The following ADGB variants were observed in gnomAD, a reference collection of about 807,000 sequenced individuals.
The protein encoded by ADGB is calpain-7-like protein.
Under a neutral mutation model 210.5 loss-of-function variants are expected in ADGB, and 172 were observed. That is an observed-to-expected ratio of 0.82 (90% CI 0.72 to 0.93). The LOEUF (loss-of-function observed/expected upper bound fraction) is 0.93, where lower values mean the gene tolerates loss of function less well. Among genes scored for constraint, ADGB ranks in the 40% least tolerant of loss-of-function variants. The pLI, the probability that ADGB is intolerant of heterozygous loss-of-function variation, is 0.00. For synonymous variants in ADGB, 658 were observed against 662.7 expected, an observed-to-expected ratio of 0.99 and a Z score of 0.11; for missense variants, 2,025 against 1,964.8, an observed-to-expected ratio of 1.03 and a Z score of -0.58.
chr6:146,705,945 A>G (rs1478096130), intron 13 of ADGB, among the ~76,000 whole-genome samples: 1 of 152,092 alleles, frequency 6.6e-6, no homozygotes, highest in East Asian at 1.9e-4. Context: ...ATTTTAAGAT[A>G]TAGGGTCTTT....
chr6:146,740,458 G>T lies in ADGB; in HGVS notation c.2889-1G>T. On this transcript the variant is annotated splice_acceptor_variant, in intron 23 of 35. Coordinates refer to ENST00000397944, the MANE Select transcript of ADGB (RefSeq NM_024694.4). LOFTEE classifies it high-confidence loss of function. ...TACATAATTTATTTTTATATTTCTA[G>T]ACTAATGTTTAAAAGCAAGTGCAAG... The T allele has an allele frequency of 1.3e-6, 2 of 1,530,910 alleles. No homozygotes were observed. The highest frequency in any genetic ancestry group is 1.8e-6 in the Non-Finnish European group (2 of 1,135,890). The allele number at this position is 1,530,910 out of a possible 1,614,324, so 94.8% of individuals were successfully genotyped here. A position where few individuals can be genotyped will look rare whatever the true frequency, so the allele number is the denominator to read the frequency against.
intron 26 of ADGB, among the ~76,000 whole-genome samples, chr6:146,751,005 G>A (rs959572533): frequency 6.6e-6 from 1 of 152,102 alleles, no homozygotes; most frequent in African/African-American, 2.4e-5. Flanking sequence ...GTGTACCTGT[G>A]CAAGATGTGC....
intron 10 of ADGB, among the ~76,000 whole-genome samples, chr6:146,686,134 T>G (rs562337182): frequency 6.6e-6 from 1 of 152,056 alleles, no homozygotes; most frequent in Non-Finnish European, 1.5e-5. Flanking sequence ...ATTTATGTAT[T>G]TCAGTGAAAA....
In ADGB at chr6:146,750,723, G is replaced by A. The variant is rs146662059; in HGVS notation, c.3366-1807G>A. On this transcript the variant is annotated intron_variant, in intron 26 of 35. Coordinates refer to ENST00000397944, the MANE Select transcript of ADGB (RefSeq NM_024694.4). ...TCTTTAATTGCATTAAAAGGGGAGC[G>A]GGAAAGAATGGATTAGACTGCATGT... 4.7e-3 allele frequency among the ~76,000 whole-genome samples: 713 copies of A among 152,198 alleles called. 5 individuals carry two copies. Among genetic ancestry groups the A allele is most frequent in the South Asian group, 0.011 (55 of 4,828 alleles).
intron 3 of ADGB, among the ~76,000 whole-genome samples, chr6:146,647,492 G>A (rs1775636887): frequency 6.6e-6 from 1 of 151,800 alleles, no homozygotes; most frequent in Admixed American, 6.6e-5. Context: ...GTATAGTAGG[G>A]GAATACATAA....
At chr6:146,626,938 A>G (rs1780981196) in intron 1 of ADGB, among the ~76,000 whole-genome samples, 2 of 151,940 alleles carry the variant, frequency 1.3e-5, no homozygotes, top group Non-Finnish European at 2.9e-5. Context: ...TGCTCTGCTT[A>G]TTTCCAATTT....
Position 146,689,064 on chromosome 6 carries a change from A to T in ADGB, c.1312-2052A>T, listed in dbSNP as rs117734619. Among the ~76,000 whole-genome samples, 265 of 152,192 alleles carry T rather than the reference A, an allele frequency of 1.7e-3. 4 individuals are homozygous for T. The East Asian group carries it at 0.027, about 15-fold the overall frequency. Reference sequence around the variant, plus strand: ...GTTTTATGTAGATCTGAGAGTTTTAATAAAGCCTCTTTCACCTGCCCAAAT... The same window carrying T: ...GTTTTATGTAGATCTGAGAGTTTTATTAAAGCCTCTTTCACCTGCCCAAAT... On this transcript the variant is annotated intron_variant, in intron 10 of 35. Transcript: ENST00000397944.
intron 33 of ADGB, among the ~76,000 whole-genome samples, chr6:146,789,586 C>A (rs1338228404): frequency 6.6e-6 from 1 of 152,130 alleles, no homozygotes; most frequent in Non-Finnish European, 1.5e-5. Context: ...TAAAAGGAAT[C>A]TTTTACTATA....
chr6:146,671,781 T>C (rs1776011440), intron 7 of ADGB, among the ~76,000 whole-genome samples: 3 of 152,102 alleles, frequency 2.0e-5, no homozygotes, highest in Admixed American at 2.0e-4. Context: ...GAAAGAGGGA[T>C]GTTATGGAAG....
chr6:146,719,593 C>T (rs1298757152), intron 16 of ADGB, among the ~76,000 whole-genome samples: 1 of 152,140 alleles, frequency 6.6e-6, no homozygotes, highest in African/African-American at 2.4e-5. Context: ...GACACAGAGC[C>T]CGAGGCCTGT....
At chr6:146,709,376 C>T (rs1425801745) in intron 13 of ADGB, among the ~76,000 whole-genome samples, 1 of 152,184 alleles carries the variant, frequency 6.6e-6, no homozygotes, top group East Asian at 1.9e-4. Flanking sequence ...TGGGAAAGCC[C>T]TTCACCAGTC....
intron 1 of ADGB, among the ~76,000 whole-genome samples, chr6:146,599,333 C>T (rs1432253313): frequency 6.6e-6 from 1 of 152,184 alleles, no homozygotes; most frequent in African/African-American, 2.4e-5. Context: ...CCCTGATTTT[C>T]TTGCTTTGGG....
intron 29 of ADGB, among the ~76,000 whole-genome samples, chr6:146,771,166 G>A (rs259422): frequency 0.51 from 76,775 of 151,792 alleles, 19,929 homozygotes; most frequent in Admixed American, 0.6. Context: ...TTGCACAGGC[G>A]GTTGGCTTTG....
chr6:146,621,244 A>G (rs1437407781), intron 1 of ADGB, among the ~76,000 whole-genome samples: 1 of 152,048 alleles, frequency 6.6e-6, no homozygotes, highest in Admixed American at 6.6e-5. Flanking sequence ...AGGCATTCCC[A>G]TGGATTGTGC....
chr6:146,675,504 A>C (rs1412772840), intron 8 of ADGB, among the ~76,000 whole-genome samples: 1 of 151,866 alleles, frequency 6.6e-6, no homozygotes, highest in African/African-American at 2.4e-5. Context: ...GGTATGAAAC[A>C]TGTCTATTTT....
intron 3 of ADGB, among the ~76,000 whole-genome samples, chr6:146,651,940 T>C (rs1369013513): frequency 2.6e-5 from 4 of 152,188 alleles, no homozygotes; most frequent in Non-Finnish European, 5.9e-5. Flanking sequence ...GACTTTAGGA[T>C]AGCAGAATAA....
chr6:146,705,252 T>G (rs908521810), intron 13 of ADGB, among the ~76,000 whole-genome samples: 7 of 152,106 alleles, frequency 4.6e-5, no homozygotes, highest in Admixed American at 4.6e-4. Context: ...TTTAGCTTCT[T>G]TCTTTCCAAT....
At chr6:146,672,581 G>A (rs771844534) in intron 8 of ADGB, 114 bp downstream of exon 8, 75 of 1,256,612 alleles carry the variant, frequency 6.0e-5, no homozygotes, top group Non-Finnish European at 7.3e-5. Context: ...CCCAAGAGAG[G>A]GTTCTTGGAT....
intron 27 of ADGB, among the ~76,000 whole-genome samples, chr6:146,757,811 C>G (rs1777430081): frequency 6.6e-6 from 1 of 151,968 alleles, no homozygotes; most frequent in Admixed American, 6.6e-5. Context: ...GAAGCCCTTA[C>G]AGGAAGGCTG....
Sources: gnomAD v4.1 joint callset for allele counts (sites outside exome capture counted in the v4.1 genomes callset) on GRCh38, gnomAD v4.1.1 for gene constraint, MANE v1.5 for transcripts, NCBI Gene and HGNC (gene_info 2026-07-23, HGNC 2026-07-21) for gene names.